The following ARMH4 variants were observed in gnomAD, a reference collection of about 807,000 sequenced individuals.
ARMH4 encodes the protein armadillo-like helical domain-containing protein 4.
In ARMH4, 49 loss-of-function variants were observed where a neutral mutation model predicts 61.9. The observed-to-expected ratio is 0.79, with a 90% CI of 0.63 to 1.00. The LOEUF is 1.00. Ranked by LOEUF, ARMH4 falls within the 50% of genes least tolerant of loss-of-function variation. The probability of loss-of-function intolerance (pLI) is 0.00; values close to 1 mark genes in which losing one functional copy is unlikely to be tolerated. For synonymous variants in ARMH4, 368 were observed against 341.5 expected, an observed-to-expected ratio of 1.08 and a Z score of -0.85; for missense variants, 934 against 930.0, an observed-to-expected ratio of 1.00 and a Z score of -0.06.
chr14:58,024,520 C>T (rs1882954563), intron 5 of ARMH4, among the ~76,000 whole-genome samples: 1 of 152,150 alleles, frequency 6.6e-6, no homozygotes, highest in African/African-American at 2.4e-5. Context: ...TCCACATCAG[C>T]AGTAAGGTTG....
chr14:58,121,693 G>A (rs759926810), intron 4 of ARMH4, among the ~76,000 whole-genome samples: 11 of 152,140 alleles, frequency 7.2e-5, no homozygotes, highest in African/African-American at 2.4e-4. Flanking sequence ...AAGAAAGCAC[G>A]ATGATTTCAG....
In ARMH4 at chr14:58,131,652, G is replaced by A; in HGVS notation, c.1691C>T (p.Pro564Leu). The change falls in exon 4 of 8, where the codon CCT becomes CTT. Residue 564 changes from proline to leucine, a missense_variant. By Grantham distance (98) the Pro-to-Leu change is moderately conservative. Transcript: ENST00000267485. The stretch of plus-strand genomic sequence containing the variant: ...GCTGGGTTCCCCCACCATTATTCCA[G>A]GAGGTGTCACTGGAGATCCCAGAAC... ...TPVLGSPVTP[P>L]GIMVGEPSIS... 1 of 1,614,142 alleles carries A rather than the reference G, an allele frequency of 6.2e-7. No individual in the cohort carries two copies.
intron 5 of ARMH4, among the ~76,000 whole-genome samples, chr14:58,071,533 CT>C (rs1279765122): frequency 6.6e-6 from 1 of 152,066 alleles, no homozygotes; most frequent in African/African-American, 2.4e-5. Context: ...TTGGCTCCCA[CT>C]TGTGTTTTAG....
intron 5 of ARMH4, among the ~76,000 whole-genome samples, chr14:58,056,435 GGAAAT>G (rs1214820800): frequency 1.3e-5 from 2 of 152,146 alleles, no homozygotes; most frequent in Non-Finnish European, 2.9e-5. Context: ...TTTAATGAAA[GGAAAT>G]AAAAGCTCTT....
intron 6 of ARMH4, among the ~76,000 whole-genome samples, chr14:58,011,643 C>A (rs929682946): frequency 6.6e-6 from 1 of 151,628 alleles, no homozygotes; most frequent in South Asian, 2.1e-4. Context: ...ATGTAGATGG[C>A]AGAATTAATG....
chr14:58,046,773 T>C (rs1260314619), intron 5 of ARMH4, among the ~76,000 whole-genome samples: 1 of 152,214 alleles, frequency 6.6e-6, no homozygotes, highest in Non-Finnish European at 1.5e-5. Flanking sequence ...GAGAAATATC[T>C]GGACAGACTC....
intron 1 of ARMH4, among the ~76,000 whole-genome samples, chr14:58,147,555 C>T (rs1051985225): frequency 3.5e-4 from 53 of 152,120 alleles, no homozygotes; most frequent in Non-Finnish European, 2.2e-4. Context: ...CCTCATGATC[C>T]GCCCACCTCA....
chr14:58,143,371 C>G (rs974288385), intron 1 of ARMH4, among the ~76,000 whole-genome samples: 3 of 152,158 alleles, frequency 2.0e-5, no homozygotes, highest in East Asian at 3.9e-4. Flanking sequence ...GATAATGAGA[C>G]GGGTGCTAAG....
intron 4 of ARMH4, among the ~76,000 whole-genome samples, chr14:58,100,040 C>G (rs1263190935): frequency 6.6e-6 from 1 of 152,110 alleles, no homozygotes; most frequent in African/African-American, 2.4e-5. Flanking sequence ...TAAAAGAAGA[C>G]AAGGTCCAGT....
chr14:58,129,222 G>A (rs1210231497), intron 4 of ARMH4, among the ~76,000 whole-genome samples: 2 of 152,204 alleles, frequency 1.3e-5, no homozygotes, highest in African/African-American at 4.8e-5. Context: ...CAGGGTGCAA[G>A]TAGACATCAT....
chr14:58,146,102 C>A (rs1333461024), intron 1 of ARMH4, among the ~76,000 whole-genome samples: 1 of 152,244 alleles, frequency 6.6e-6, no homozygotes, highest in Non-Finnish European at 1.5e-5. Context: ...GGCTATGAGC[C>A]TTTCCTTTTT....
At chr14:58,011,839 G>A (rs1566538873) in intron 6 of ARMH4, among the ~76,000 whole-genome samples, 1 of 151,146 alleles carries the variant, frequency 6.6e-6, no homozygotes, top group South Asian at 2.1e-4. Context: ...ACCTTGATAT[G>A]TCAATGATAT....
intron 4 of ARMH4, among the ~76,000 whole-genome samples, chr14:58,119,273 C>T (rs1390371911): frequency 6.6e-6 from 1 of 152,154 alleles, no homozygotes; most frequent in Non-Finnish European, 1.5e-5. Context: ...AAAACAACTT[C>T]GTGGTTATGA....
chr14:58,125,763 C>T (rs983736362), intron 4 of ARMH4, among the ~76,000 whole-genome samples: 16 of 152,180 alleles, frequency 1.1e-4, no homozygotes, highest in African/African-American at 3.1e-4. Context: ...GCAGTTAGAA[C>T]GGTCGTCAGC....
At chr14:58,081,963 A>C (rs1885242993) in intron 5 of ARMH4, among the ~76,000 whole-genome samples, 1 of 152,124 alleles carries the variant, frequency 6.6e-6, no homozygotes, top group Non-Finnish European at 1.5e-5. Flanking sequence ...AAAACCTTAG[A>C]TGCTAAAATA....
At chr14:58,044,460 T>G (rs1425374452) in intron 5 of ARMH4, among the ~76,000 whole-genome samples, 1 of 152,098 alleles carries the variant, frequency 6.6e-6, no homozygotes, top group Admixed American at 6.6e-5. Context: ...ATACAAAAAT[T>G]AATTCAAGAT....
chr14:58,001,762 C>A lies in ARMH4; in HGVS notation c.*2974G>T, dbSNP rs1193782029. ...AGATTCTAACTCATCAGGTCTGGGG[C>A]AAGGCCTTGAGATCTGTATGTTTCA... On this transcript the variant is annotated 3_prime_UTR_variant, in exon 8 of 8. Coordinates refer to ENST00000267485, the MANE Select transcript of ARMH4 (RefSeq NM_001001872.4). 2.0e-5 allele frequency: 3 copies of A among 152,136 alleles called. No homozygotes were observed. In the East Asian group the frequency reaches 5.8e-4, roughly 29 times the overall value. 9.4% of individuals were successfully genotyped at this position (152,136 alleles called of 1,614,324 possible).
At chr14:58,065,561 T>C (rs1884676708) in intron 5 of ARMH4, among the ~76,000 whole-genome samples, 1 of 152,236 alleles carries the variant, frequency 6.6e-6, no homozygotes. Flanking sequence ...AATTTATTCT[T>C]TACTGGAGGA....
At chr14:58,115,755 C>T (rs1198729783) in intron 4 of ARMH4, among the ~76,000 whole-genome samples, 1 of 152,060 alleles carries the variant, frequency 6.6e-6, no homozygotes, top group Non-Finnish European at 1.5e-5. Flanking sequence ...ATTTCCTATG[C>T]CATAATATGG....
Sources: allele counts gnomAD v4.1 joint callset (sites outside exome capture counted in the v4.1 genomes callset), GRCh38; gene constraint gnomAD v4.1.1; transcripts MANE v1.5; gene names NCBI Gene and HGNC (gene_info 2026-07-23, HGNC 2026-07-21).